The following SPACA6 variants were observed in gnomAD, a reference collection of about 807,000 sequenced individuals.
SPACA6 encodes sperm acrosome associated 6, also known as sperm acrosome membrane-associated protein 6.
For synonymous variants in SPACA6, 6 were observed against 1.5 expected, an observed-to-expected ratio of 4.05 and a Z score of -2.21; for missense variants, 8 against 2.8, an observed-to-expected ratio of 2.88 and a Z score of -1.34.
chr19:51,704,850 C>A, intron 8 of SPACA6: 2 of 370,952 alleles, frequency 5.4e-6, no homozygotes, highest in Non-Finnish European at 4.7e-6. Context: ...GCCCCCGGAC[C>A]CCCTCCTCCC....
upstream of SPACA6, among the ~76,000 whole-genome samples, chr19:51,691,535 G>A (rs2122185459): frequency 6.6e-6 from 1 of 151,782 alleles, no homozygotes; most frequent in South Asian, 2.1e-4. Context: ...GGGAGAGAAG[G>A]AAGAAAACAG....
chr19:51,685,395 T>C (rs1028345945), upstream of SPACA6: 1 of 152,248 alleles, frequency 6.6e-6, no homozygotes, highest in African/African-American at 2.4e-5. Flanking sequence ...TATTTTGGAC[T>C]ATTTTCATAT....
At chr19:51,693,181 C>A, upstream of SPACA6, 1 of 514,744 alleles carries the variant, frequency 1.9e-6, no homozygotes. Flanking sequence ...GTCTCTGGCT[C>A]TCAGAATGTC....
At chr19:51,702,530 C>A (rs542316431) in intron 3 of SPACA6, 99 bp from the exon 4 acceptor site, 3 of 398,398 alleles carry the variant, frequency 7.5e-6, no homozygotes, top group African/African-American at 6.2e-5. Flanking sequence ...CCCGCCCCCT[C>A]GGAGCAATGC....
At chr19:51,707,052 C>T (rs1440716124), downstream of SPACA6, among the ~76,000 whole-genome samples, 1 of 152,132 alleles carries the variant, frequency 6.6e-6, no homozygotes, top group Non-Finnish European at 1.5e-5. Flanking sequence ...TGGTCTATTT[C>T]CCTTTATTGA....
downstream of SPACA6, among the ~76,000 whole-genome samples, chr19:51,709,652 C>T (rs2083533254): frequency 6.8e-6 from 1 of 146,734 alleles, no homozygotes; most frequent in African/African-American, 2.5e-5. Context: ...AAAAGATGAG[C>T]GTCACGGGTG....
At chr19:51,709,416 T>C (rs1281254850), downstream of SPACA6, among the ~76,000 whole-genome samples, 1 of 148,860 alleles carries the variant, frequency 6.7e-6, no homozygotes, top group Non-Finnish European at 1.5e-5. Flanking sequence ...ACTTTGGAGG[T>C]TGAGGCAGGA....
chr19:51,688,897 AAGAGGGAGAGAGAG>A (rs1803423502), upstream of SPACA6, among the ~76,000 whole-genome samples: 2 of 145,064 alleles, frequency 1.4e-5, no homozygotes, highest in Admixed American at 1.3e-4. Flanking sequence ...GGAGGAGGGA[AAGAGGGAGAGAGAG>A]AGAGAGAGAA....
rs578073490 is a variant in SPACA6, at chr19:51,693,834, G to A, written c.214+94G>A. On this transcript the variant is annotated intron_variant, in intron 1 of 8. Coordinates refer to ENST00000637797, the MANE Select transcript of SPACA6 (RefSeq NM_001316972.2). Reference sequence around the variant, plus strand: ...AGGGTCAGGCTGAGGGACAGACAGAGAGAAACAGTCAGAGGAGAAAGGCTC... The same window carrying A: ...AGGGTCAGGCTGAGGGACAGACAGAAAGAAACAGTCAGAGGAGAAAGGCTC... 7.7e-5 allele frequency: 31 copies of A among 401,658 alleles called. 1 individual carries two copies. The South Asian group carries it at 3.2e-3, about 41-fold the overall frequency. 24.9% of individuals were successfully genotyped at this position (401,658 alleles called of 1,614,324 possible). A position where few individuals can be genotyped will look rare whatever the true frequency, so the allele number is the denominator to read the frequency against.
At chr19:51,699,550 T>C (rs990357849) in intron 2 of SPACA6, among the ~76,000 whole-genome samples, 1 of 152,222 alleles carries the variant, frequency 6.6e-6, no homozygotes, top group African/African-American at 2.4e-5. Context: ...TTCTGCCTTC[T>C]AGAAGTCTGA....
chr19:51,708,076 C>T (rs1315825606), downstream of SPACA6, among the ~76,000 whole-genome samples: 1 of 152,036 alleles, frequency 6.6e-6, no homozygotes, highest in Non-Finnish European at 1.5e-5. Flanking sequence ...TTTTTCCCTC[C>T]CCAAGGACTG....
upstream of SPACA6, chr19:51,687,404 G>T (rs2083333499): frequency 6.8e-6 from 1 of 147,612 alleles, no homozygotes; most frequent in Non-Finnish European, 1.5e-5. Flanking sequence ...ATAAATAGAT[G>T]AATACAATGG....
chr19:51,692,150 C>G (rs1385872235), upstream of SPACA6, among the ~76,000 whole-genome samples: 2 of 152,132 alleles, frequency 1.3e-5, no homozygotes, highest in Non-Finnish European at 2.9e-5. This position sits in a 1 kb window ranked among gnomAD's most constrained non-coding sequence, Gnocchi z 5.6. Context: ...CTCCTTAGCC[C>G]TGGGCCTGGA....
At position 51,702,647 on chromosome 19, in the gene SPACA6, C is replaced by A; in HGVS notation, c.380C>A (p.Pro127His). Residue 127 changes from proline (P) to histidine (H), a missense_variant, in exon 4 of 9, where the codon CCC becomes CAC. Pro to His is a moderately conservative substitution (Grantham distance 77). Transcript: ENST00000637797. ...TCCACAGCCCAGGCTTGCATCCCTC[C>A]CTGCGGTAAGGACTTCATCTAAAAC... Reference protein sequence around the residue: ...QLKEAQACIPPCGLQEFARRF... With the variant: ...QLKEAQACIPHCGLQEFARRF... 1 of 399,212 alleles carries A rather than the reference C, an allele frequency of 2.5e-6. No homozygotes were observed. Among genetic ancestry groups the A allele is most frequent in the Non-Finnish European group, 4.4e-6 (1 of 226,200 alleles). The allele number at this position is 399,212 out of a possible 1,614,324, so 24.7% of individuals were successfully genotyped here.
downstream of SPACA6, chr19:51,712,407 T>C (rs2083546366): frequency 1.3e-5 from 2 of 152,020 alleles, no homozygotes; most frequent in African/African-American, 2.4e-5. Flanking sequence ...TTAACCGAAA[T>C]AGAAATGGAA....
the SPACA6 span, among the ~76,000 whole-genome samples, chr19:51,682,776 T>C: frequency 9.1e-4 from 139 of 152,316 alleles, no homozygotes; most frequent in Non-Finnish European, 1.5e-3. Context: ...GCACAGTGTA[T>C]CATGCCTGTA....
intron 8 of SPACA6, 48 bp downstream of exon 8, chr19:51,704,528 T>C (rs1267963823): frequency 5.0e-6 from 2 of 400,090 alleles, no homozygotes; most frequent in East Asian, 3.6e-5. Context: ...CCCCGCTGTC[T>C]CAGATCCCAC....
intron 2 of SPACA6, 138 bp downstream of exon 2, chr19:51,694,693 T>A (rs929298292): frequency 3.3e-5 from 13 of 397,502 alleles, no homozygotes; most frequent in Non-Finnish European, 4.4e-6. Flanking sequence ...GGGAAGACAT[T>A]GAGCTCAGCT....
At chr19:51,709,104 C>A (rs1356493977), downstream of SPACA6, among the ~76,000 whole-genome samples, 1 of 151,864 alleles carries the variant, frequency 6.6e-6, no homozygotes, top group African/African-American at 2.4e-5. Flanking sequence ...TGGCTCACAC[C>A]TGTAATCCCA....
Sources: allele counts gnomAD v4.1 joint callset (sites outside exome capture counted in the v4.1 genomes callset), GRCh38; gene constraint gnomAD v4.1.1; non-coding constraint Gnocchi (gnomAD v3.1); transcripts MANE v1.5; gene names NCBI Gene and HGNC (gene_info 2026-07-23, HGNC 2026-07-21).